The following TXNRD1 variants were observed in gnomAD, a reference collection of about 807,000 sequenced individuals.
TXNRD1 encodes thioredoxin reductase 1, also known as thioredoxin reductase 1, cytoplasmic.
A neutral mutation model predicts 80.3 loss-of-function variants in TXNRD1; 57 were observed. The ratio of observed to expected loss-of-function variants is 0.71; its 90% CI spans 0.57 to 0.89. The LOEUF is 0.89. TXNRD1 is among the 40% of genes least tolerant of loss of function. The pLI is 0.00. For missense variants in TXNRD1, 730 were observed against 803.0 expected (o/e 0.91, Z 1.10); for synonymous variants, 291 against 285.2 (o/e 1.02, Z -0.20).
chr12:104,339,957 C>A (rs2036268286), intron 16 of TXNRD1, among the ~76,000 whole-genome samples: 1 of 152,222 alleles, frequency 6.6e-6, no homozygotes. Flanking sequence ...CGCACACACA[C>A]ACATATGCAC....
chr12:104,253,036 G>C (rs919037655), intron 2 of TXNRD1, among the ~76,000 whole-genome samples: 3 of 151,916 alleles, frequency 2.0e-5, no homozygotes, highest in East Asian at 1.9e-4. Context: ...CTCTCAACTT[G>C]TCTGCCCCAT....
chr12:104,242,496 T>A (rs1190478212), intron 1 of TXNRD1, among the ~76,000 whole-genome samples: 1 of 151,520 alleles, frequency 6.6e-6, no homozygotes, highest in African/African-American at 2.4e-5. Flanking sequence ...TGCAGTGAGC[T>A]GAGGTTGTGC....
chr12:104,327,425 A>C, intron 12 of TXNRD1, 90 bp from the exon 13 acceptor site: 1 of 1,370,756 alleles, frequency 7.3e-7, no homozygotes, highest in Non-Finnish European at 9.9e-7. Flanking sequence ...TAGAGTCACA[A>C]TTTTGGGCTT....
chr12:104,230,775 G>T (rs1454555510), intron 1 of TXNRD1, among the ~76,000 whole-genome samples: 1 of 152,174 alleles, frequency 6.6e-6, no homozygotes, highest in Non-Finnish European at 1.5e-5. Context: ...CAGAAAAGTG[G>T]CTACTTATAT....
rs965689934 is a variant in TXNRD1 at position 104,325,077 on chromosome 12, T to C, written c.1216-260T>C. On this transcript the variant is annotated intron_variant, in intron 10 of 16. Coordinates refer to ENST00000525566, the MANE Select transcript of TXNRD1 (RefSeq NM_001093771.3). ...TAGTGTGCTTTCTGTAGCTTGCTTT[T>C]CCCCCCCATTTTTCTCTGAATTTTA... 9.2e-5 allele frequency among the ~76,000 whole-genome samples: 14 copies of C among 152,126 alleles called. 1 individual carries two copies. The highest frequency in any genetic ancestry group is 4.1e-4 in the South Asian group (2 of 4,820).
intron 3 of TXNRD1, chr12:104,280,836 T>A (rs1017768649): frequency 2.6e-5 from 4 of 152,102 alleles, no homozygotes; most frequent in African/African-American, 9.7e-5. Flanking sequence ...GTTTTCAGAC[T>A]TATCAGCCCT....
intron 3 of TXNRD1, among the ~76,000 whole-genome samples, chr12:104,276,141 G>C (rs941352453): frequency 1.3e-5 from 2 of 152,192 alleles, no homozygotes. Context: ...ACATTTGAAG[G>C]CGGAATGGCT....
At chr12:104,288,735 GGGTCAGACTCCAAGC>G in intron 3 of TXNRD1, 181 bp from the exon 4 acceptor site, 1 of 1,443,804 alleles carries the variant, frequency 6.9e-7, no homozygotes, top group African/African-American at 1.4e-5. Context: ...GGATTTGCCG[GGGTCAGACTCCAAGC>G]TTGATTGTGA....
rs1471994368 is a variant in TXNRD1, at chr12:104,321,121, G to A, written c.1020G>A (p.Pro340=). ...SDDLFSLPYC[P]GKTLVVGASY... is the part of the protein sequence containing the mutation. ...ATCTTTTCTCCTTGCCTTACTGCCC[G>A]GGTAAGACCCTGGTTGTTGGAGCAT... The change falls in exon 10 of 17, where the codon CCG becomes CCA. Residue 340 remains proline (P), a synonymous_variant. Transcript: ENST00000525566. The A allele has an allele frequency of 7.4e-6, 12 of 1,611,242 alleles. No homozygotes were observed. Among genetic ancestry groups the A allele is most frequent in the Non-Finnish European group, 1.0e-5 (12 of 1,179,484 alleles).
intron 1 of TXNRD1, among the ~76,000 whole-genome samples, chr12:104,217,082 G>T (rs1025115589): frequency 1.3e-5 from 2 of 152,094 alleles, no homozygotes; most frequent in African/African-American, 4.8e-5. Context: ...TTAGGGGAAG[G>T]GAAGAATAAA....
At chr12:104,294,275 G>C (rs960356549) in intron 4 of TXNRD1, among the ~76,000 whole-genome samples, 1 of 144,778 alleles carries the variant, frequency 6.9e-6, no homozygotes, top group East Asian at 2.2e-4. Context: ...GCTAAGTAGC[G>C]GGTGTTGTTT....
At chr12:104,291,629 G>A (rs770161821) in intron 4 of TXNRD1, among the ~76,000 whole-genome samples, 10 of 151,622 alleles carry the variant, frequency 6.6e-5, no homozygotes, top group Admixed American at 1.3e-4. Flanking sequence ...GATTACAGGC[G>A]CCTGCCACCG....
At position 104,326,332 on chromosome 12, in the gene TXNRD1, T is replaced by C; in HGVS notation, c.1309-15T>C. ...CTTTTTGTTATTAGTCACTAATATA[T>C]TAATAATTTTTCAGGTGATGCTGGC... On this transcript the variant is annotated splice_polypyrimidine_tract_variant and intron_variant, in intron 11 of 16. Transcript: ENST00000525566. The C allele has an allele frequency of 6.4e-7, 1 of 1,551,634 alleles. No individual in the cohort carries two copies. The highest frequency in any genetic ancestry group is 8.7e-7 in the Non-Finnish European group (1 of 1,148,974).
At chr12:104,227,366 A>G (rs2032495984) in intron 1 of TXNRD1, among the ~76,000 whole-genome samples, 1 of 152,002 alleles carries the variant, frequency 6.6e-6, no homozygotes, top group South Asian at 2.1e-4. Context: ...GGCTCAGGTA[A>G]TCCTCCTGCT....
chr12:104,254,922 T>C (rs1338493277), intron 2 of TXNRD1, among the ~76,000 whole-genome samples: 1 of 151,564 alleles, frequency 6.6e-6, no homozygotes, highest in Non-Finnish European at 1.5e-5. Flanking sequence ...CTAGGCAACA[T>C]GGTGAAACCC....
chr12:104,311,522 G>A (rs141289918), intron 5 of TXNRD1, 110 bp downstream of exon 5: 18 of 1,380,798 alleles, frequency 1.3e-5, no homozygotes, highest in Middle Eastern at 1.9e-4. Context: ...ATCCACTCCT[G>A]TGACATTTTG....
At chr12:104,252,654 ATTATTTT>A (rs1417055004) in intron 2 of TXNRD1, among the ~76,000 whole-genome samples, 60 of 9,912 alleles carry the variant, frequency 6.1e-3, no homozygotes, top group African/African-American at 0.023. Context: ...AGGTTAATTT[ATTATTTT>A]TTATATATAT....
At chr12:104,246,209 T>G (rs558219487) in intron 1 of TXNRD1, among the ~76,000 whole-genome samples, 1 of 145,226 alleles carries the variant, frequency 6.9e-6, no homozygotes, top group African/African-American at 2.6e-5. Context: ...GGGTGGATCA[T>G]GAGGTCAGGA....
chr12:104,286,994 C>G lies in TXNRD1; in HGVS notation c.305-1937C>G, dbSNP rs572187134. ...GGCGCAGGGCGTGGCTTCTCGTAGC[C>G]ATTAGGAAACAGCAACCCTTTCACC... On this transcript the variant is annotated intron_variant, in intron 3 of 16. Transcript: ENST00000525566. 204 of 1,301,028 alleles carry G rather than the reference C, an allele frequency of 1.6e-4. No homozygotes were observed. In the Admixed American group the frequency reaches 6.8e-3, roughly 43 times the overall value. 80.6% of individuals were successfully genotyped at this position (1,301,028 alleles called of 1,614,324 possible).
Sources: allele counts gnomAD v4.1 joint callset (sites outside exome capture counted in the v4.1 genomes callset), GRCh38; gene constraint gnomAD v4.1.1; transcripts MANE v1.5; gene names NCBI Gene and HGNC (gene_info 2026-07-23, HGNC 2026-07-21).